Variants in WIPI2 observed in about 807,000 individuals in gnomAD.
WIPI2 encodes the protein WD repeat domain, phosphoinositide interacting 2.
In WIPI2, 28 loss-of-function variants were observed where a neutral mutation model predicts 52.3. The ratio of observed to expected loss-of-function variants is 0.54; its 90% CI spans 0.40 to 0.73. WIPI2 has a LOEUF of 0.73. Ranked by LOEUF, WIPI2 falls within the 30% of genes least tolerant of loss-of-function variation. WIPI2 has a pLI of 0.00. For synonymous variants in WIPI2, 268 were observed against 245.0 expected, an observed-to-expected ratio of 1.09 and a Z score of -0.88; for missense variants, 506 against 602.9, an observed-to-expected ratio of 0.84 and a Z score of 1.68.
At chr7:5,191,362 C>T (rs747865938) in intron 1 of WIPI2, among the ~76,000 whole-genome samples, 5 of 152,168 alleles carry the variant, frequency 3.3e-5, no homozygotes, top group African/African-American at 4.8e-5. Context: ...ATGTCTTCTC[C>T]AGCAAGTAAC....
intron 3 of WIPI2, among the ~76,000 whole-genome samples, chr7:5,201,133 G>A (rs1782009553): frequency 6.6e-6 from 1 of 152,200 alleles, no homozygotes; most frequent in Non-Finnish European, 1.5e-5. Context: ...GAGCCACACG[G>A]GATTGCTCCC....
intron 7 of WIPI2, among the ~76,000 whole-genome samples, chr7:5,221,965 T>TTTC (rs1783160306): frequency 7.3e-5 from 3 of 41,360 alleles, no homozygotes; most frequent in African/African-American, 2.7e-4. Flanking sequence ...TTTTTTTTTT[T>TTTC]CCCCCCCCGA....
Position 5,227,247 on chromosome 7 carries a change from C to T in WIPI2, c.916C>T (p.Leu306=). 2 of 1,614,002 alleles carry T rather than the reference C, an allele frequency of 1.2e-6. No individual in the cohort carries two copies. The highest frequency in any genetic ancestry group is 1.7e-6 in the Non-Finnish European group (2 of 1,180,036). Residue 306 remains leucine, a synonymous_variant, in exon 10 of 13, where the codon CTG becomes TTG. Transcript: ENST00000288828. This position sits in a 1 kb window ranked among gnomAD's most constrained non-coding sequence, Gnocchi z 8.1. ...GKVLMASTSY[L]PSQVTEMFNQ... ...AGTGCTCATGGCCTCCACCAGCTAC[C>T]TGCCTTCCCAAGTGACAGAAATGTT...
rs1783664938 is a variant in WIPI2 at position 5,230,216 on chromosome 7, C to T, written c.1252+478C>T. Among the ~76,000 whole-genome samples, 1 of 152,208 alleles carries T rather than the reference C, an allele frequency of 6.6e-6. No individual in the cohort carries two copies. The highest frequency in any genetic ancestry group is 1.5e-5 in the Non-Finnish European group (1 of 68,040). ...GGTTTTGCCTCAGTCTTTTCCCTCC[C>T]ACCTTTTTCGTCCTTCAGCAAATCT... is the stretch of plus-strand genomic sequence containing the variant. On this transcript the variant is annotated intron_variant, in intron 12 of 12. Coordinates refer to ENST00000288828, the MANE Select transcript of WIPI2 (RefSeq NM_015610.4). The surrounding 1 kb of genome is among the most constrained non-coding windows in gnomAD (Gnocchi z 4.8).
chr7:5,219,711 C>G (rs1783004306), intron 7 of WIPI2, among the ~76,000 whole-genome samples: 1 of 152,194 alleles, frequency 6.6e-6, no homozygotes, highest in African/African-American at 2.4e-5. Context: ...CTGCAGAGGA[C>G]AAAACCTTTG....
At chr7:5,194,485 A>C (rs1334502505) in intron 2 of WIPI2, among the ~76,000 whole-genome samples, 6 of 152,342 alleles carry the variant, frequency 3.9e-5, no homozygotes, top group Middle Eastern at 6.8e-3. Context: ...TGTCTCTTTG[A>C]TGTTCAATGT....
intron 6 of WIPI2, 61 bp downstream of exon 6, chr7:5,217,248 A>G (rs1249479585): frequency 6.4e-7 from 1 of 1,551,876 alleles, no homozygotes; most frequent in Non-Finnish European, 8.9e-7. Flanking sequence ...GAAGAGGAGC[A>G]CTGTGGTGTC....
chr7:5,215,778 A>T (rs1034417740), intron 4 of WIPI2, among the ~76,000 whole-genome samples: 9 of 143,092 alleles, frequency 6.3e-5, no homozygotes, highest in African/African-American at 2.1e-4. Flanking sequence ...CGTCCAACTA[A>T]TGTAGAGCTG....
chr7:5,225,677 ATGTT>A (rs533632600), intron 8 of WIPI2, 142 bp from the exon 9 acceptor site: 359 of 596,202 alleles, frequency 6.0e-4, no homozygotes, highest in African/African-American at 5.2e-3. Context: ...CTCAAGGAAA[ATGTT>A]TGAGAAGGTG....
intron 3 of WIPI2, among the ~76,000 whole-genome samples, chr7:5,210,288 C>T (rs771149853): frequency 1.2e-4 from 18 of 152,194 alleles, no homozygotes; most frequent in Admixed American, 2.6e-4. Context: ...ATTCTTCCTA[C>T]ACATCTCCAT....
chr7:5,197,991 G>C (rs1030229593), intron 2 of WIPI2, among the ~76,000 whole-genome samples: 39 of 152,206 alleles, frequency 2.6e-4, no homozygotes, highest in African/African-American at 8.9e-4. Context: ...CCCTTCTGTG[G>C]TGTCCCCGAG....
At chr7:5,201,920 A>T (rs1300712791) in intron 3 of WIPI2, among the ~76,000 whole-genome samples, 1 of 152,148 alleles carries the variant, frequency 6.6e-6, no homozygotes, top group Non-Finnish European at 1.5e-5. Flanking sequence ...CTATTCCAAG[A>T]ATATTATCTG....
chr7:5,208,720 G>A (rs1782412269), intron 3 of WIPI2, among the ~76,000 whole-genome samples: 1 of 152,046 alleles, frequency 6.6e-6, no homozygotes, highest in Non-Finnish European at 1.5e-5. Context: ...TTACAGTCCT[G>A]TGACCTGTGA....
At chr7:5,207,592 G>T (rs1405593031) in intron 3 of WIPI2, among the ~76,000 whole-genome samples, 3 of 151,970 alleles carry the variant, frequency 2.0e-5, no homozygotes, top group African/African-American at 7.3e-5. Flanking sequence ...GAACATTCTC[G>T]TACAAGTCTT....
rs146459912 is a variant in WIPI2, at chr7:5,218,827, G to A, written c.669+813G>A. 373 of 152,002 alleles carry A rather than the reference G, an allele frequency of 2.5e-3. 4 individuals are homozygous for A. Among genetic ancestry groups the A allele is most frequent in the African/African-American group, 8.2e-3 (342 of 41,456 alleles). 9.4% of individuals were successfully genotyped at this position (152,002 alleles called of 1,614,324 possible). The stretch of plus-strand genomic sequence containing the variant: ...CAGTTCCTCTTTTCTTGAAAGTTGC[G>A]TCTTCCATTCTTCTGTCTTGAGGTC... On this transcript the variant is annotated intron_variant, in intron 7 of 12. Coordinates refer to ENST00000288828, the MANE Select transcript of WIPI2 (RefSeq NM_015610.4).
chr7:5,192,933 C>CT (rs537190046), intron 1 of WIPI2, among the ~76,000 whole-genome samples, 185 bp from the exon 2 acceptor site: 132 of 151,972 alleles, frequency 8.7e-4, no homozygotes, highest in Middle Eastern at 3.4e-3. Context: ...GGTCATTTCC[C>CT]TTTTTTTTGT....
intron 2 of WIPI2, among the ~76,000 whole-genome samples, chr7:5,199,133 A>G (rs371357352): frequency 5.3e-5 from 8 of 152,010 alleles, no homozygotes; most frequent in South Asian, 2.1e-4. Context: ...GGCTCAAGCA[A>G]TCCTCCCATC....
rs1161401472 is a variant in WIPI2 at position 5,230,481 on chromosome 7, C to T, written c.1253-354C>T. Among the ~76,000 whole-genome samples, 1 of 152,242 alleles carries T rather than the reference C, an allele frequency of 6.6e-6. No homozygotes were observed. Among genetic ancestry groups the T allele is most frequent in the African/African-American group, 2.4e-5 (1 of 41,468 alleles). On this transcript the variant is annotated intron_variant, in intron 12 of 12. Transcript: ENST00000288828. The surrounding 1 kb of genome is among the most constrained non-coding windows in gnomAD (Gnocchi z 4.8). ...TGCCACTCCCATCTGTGAACCGGCACTTCCAGTTCATGAGCCCACCCTGAG... is the reference window on the plus strand; with the variant it reads ...TGCCACTCCCATCTGTGAACCGGCATTTCCAGTTCATGAGCCCACCCTGAG...
At chr7:5,198,934 A>G (rs778713317) in intron 2 of WIPI2, among the ~76,000 whole-genome samples, 2 of 152,202 alleles carry the variant, frequency 1.3e-5, no homozygotes, top group African/African-American at 4.8e-5. Context: ...CACACTTAAG[A>G]TCTGCTGTCT....
Sources: allele counts gnomAD v4.1 joint callset (sites outside exome capture counted in the v4.1 genomes callset), GRCh38; gene constraint gnomAD v4.1.1; non-coding constraint Gnocchi (gnomAD v3.1); transcripts MANE v1.5; gene names NCBI Gene and HGNC (gene_info 2026-07-23, HGNC 2026-07-21).